The following CELSR1 variants were observed in gnomAD, a reference collection of about 807,000 sequenced individuals.
CELSR1 encodes adhesion G protein-coupled receptor C1.
In CELSR1, 110 loss-of-function variants were observed where a neutral mutation model predicts 249.1. That is an observed-to-expected ratio of 0.44 (90% confidence interval 0.38 to 0.52). CELSR1 has a LOEUF of 0.52. Ranked by LOEUF, CELSR1 falls within the 20% of genes least tolerant of loss-of-function variation. The pLI is 0.00. For synonymous variants in CELSR1, 2,113 were observed against 1,900.0 expected (o/e 1.11, Z -2.92); for missense variants, 4,109 against 4,296.4 (o/e 0.96, Z 1.22).
chr22:46,486,287 G>A (rs1184100216), intron 1 of CELSR1, among the ~76,000 whole-genome samples: 2 of 150,912 alleles, frequency 1.3e-5, no homozygotes, highest in African/African-American at 2.4e-5. Context: ...GCTGGCTCAC[G>A]CCTGTAATCC....
chr22:46,464,257 C>T lies in CELSR1; in HGVS notation c.3633G>A (p.Leu1211=). 6.2e-7 allele frequency: 1 copy of T among 1,613,732 alleles called. No individual in the cohort carries two copies. Among genetic ancestry groups the T allele is most frequent in the Non-Finnish European group, 8.5e-7 (1 of 1,180,036 alleles). The change falls in exon 2 of 35, where the codon CTG becomes CTA. Residue 1211 remains leucine (L), a synonymous_variant. Coordinates refer to ENST00000674500, the MANE Select transcript of CELSR1 (RefSeq NM_001378328.1). The surrounding 1 kb of genome is among the most constrained non-coding windows in gnomAD (Gnocchi z 8.5). ...GGAACTTCTCCTGGGACATGTTCTC[C>T]AGGCGGACAGTGATGCTGTTGGTCA... The part of the protein sequence containing the change: ...DMLTNSITVR[L]ENMSQEKFLS...
At chr22:46,477,812 G>A (rs2080225028) in intron 1 of CELSR1, among the ~76,000 whole-genome samples, 1 of 152,082 alleles carries the variant, frequency 6.6e-6, no homozygotes, top group African/African-American at 2.4e-5. Flanking sequence ...GGCCAATGCT[G>A]TTTTAAGATA....
At chr22:46,456,274 G>T (rs1400498773) in intron 2 of CELSR1, among the ~76,000 whole-genome samples, 1 of 152,222 alleles carries the variant, frequency 6.6e-6, no homozygotes, top group African/African-American at 2.4e-5. Context: ...CATGAATGAG[G>T]ACCTTATCTG....
chr22:46,384,115 T>TAA lies in CELSR1; in HGVS notation c.6883+427_6883+428insTT, dbSNP rs1376632094. 3.0e-4 allele frequency among the ~76,000 whole-genome samples: 46 copies of TAA among 152,164 alleles called. 1 individual carries two copies. The highest frequency in any genetic ancestry group is 1.1e-3 in the African/African-American group (45 of 41,512). On this transcript the variant is annotated intron_variant, in intron 20 of 34. Coordinates refer to ENST00000674500, the MANE Select transcript of CELSR1 (RefSeq NM_001378328.1). ...GCAGCTGGCTATTTTTTGTATTTTT[T>TAA]AGTAGAGACGGGGTTTTACCACGTT...
chr22:46,409,031 C>A lies in CELSR1; in HGVS notation c.5191G>T (p.Ala1731Ser). 1 of 1,612,210 alleles carries A rather than the reference C, an allele frequency of 6.2e-7. No homozygotes were observed. The highest frequency in any genetic ancestry group is 1.1e-5 in the South Asian group (1 of 90,754). The change falls in exon 9 of 35, where the codon GCC becomes TCC. Residue 1731 changes from alanine to serine, a missense_variant. By Grantham distance (99) the Ala-to-Ser change is moderately conservative. This residue lies in a region of CELSR1 where 1,805 missense variants were observed against 1,831.6 expected (regional missense o/e 0.99). Transcript: ENST00000674500. The surrounding 1 kb of genome is among the most constrained non-coding windows in gnomAD (Gnocchi z 9.8). ...AAGCTGGTGGGCCCACCACTGGTGG[C>A]CTCCATCAGAACGCTGTCCTCCTTC... ...TRKEDSVLME[A>S]TSGGPTSFRL...
In CELSR1 at chr22:46,411,810, C is replaced by T; in HGVS notation, c.4612-51G>A. 1 of 1,608,028 alleles carries T rather than the reference C, an allele frequency of 6.2e-7. No individual in the cohort carries two copies. Among genetic ancestry groups the T allele is most frequent in the Non-Finnish European group, 8.5e-7 (1 of 1,178,148 alleles). ...TGTCAGCGTTTTCTCCACCAGTGCC[C>T]TCAGCAGGCGCACCTGTCACTCATA... On this transcript the variant is annotated intron_variant, in intron 5 of 34. Transcript: ENST00000674500. This position sits in a 1 kb window ranked among gnomAD's most constrained non-coding sequence, Gnocchi z 4.2.
chr22:46,453,186 A>G (rs1243124960), intron 2 of CELSR1, among the ~76,000 whole-genome samples: 1 of 152,206 alleles, frequency 6.6e-6, no homozygotes, highest in Non-Finnish European at 1.5e-5. Context: ...TGAGCCAGGC[A>G]GCTGTGCACA....
intron 25 of CELSR1, 183 bp from the exon 26 acceptor site, chr22:46,369,987 C>G (rs1330725083): frequency 6.0e-6 from 4 of 670,270 alleles, no homozygotes; most frequent in Non-Finnish European, 1.1e-5. Flanking sequence ...TGTAGGGTCT[C>G]AGGCTCACTG....
chr22:46,410,014 CT>C lies in CELSR1; in HGVS notation c.4934-135del. 1 of 1,124,868 alleles carries C rather than the reference CT, an allele frequency of 8.9e-7. No individual in the cohort carries two copies. Among genetic ancestry groups the C allele is most frequent in the Non-Finnish European group, 1.3e-6 (1 of 789,128 alleles). The allele number at this position is 1,124,868 out of a possible 1,614,324, so 69.7% of individuals were successfully genotyped here. Reference sequence around the variant, plus strand: ...GAAGTCAGACCAGGTCTGAACGCCCCTGGCAACGGCAGGAACATGGGAACTA... The same window carrying C: ...GAAGTCAGACCAGGTCTGAACGCCCCGGCAACGGCAGGAACATGGGAACTA... On this transcript the variant is annotated intron_variant, in intron 7 of 34. Transcript: ENST00000674500. The surrounding 1 kb of genome is among the most constrained non-coding windows in gnomAD (Gnocchi z 6.8).
chr22:46,452,950 C>T (rs907898249), intron 2 of CELSR1, among the ~76,000 whole-genome samples: 1 of 152,216 alleles, frequency 6.6e-6, no homozygotes, highest in Non-Finnish European at 1.5e-5. Flanking sequence ...CAGCCTTGTC[C>T]AGGGAGGATA....
At position 46,518,515 on chromosome 22, in the gene CELSR1, C is replaced by T. The variant is rs2080651727; in HGVS notation, c.3544+15112G>A. On this transcript the variant is annotated intron_variant, in intron 1 of 34. Transcript: ENST00000674500. This position sits in a 1 kb window ranked among gnomAD's most constrained non-coding sequence, Gnocchi z 5.2. Reference sequence around the variant, plus strand: ...AACACGAAGAAACCAGTCACACACACAAACATGAAGGCAGGCGTGGCAGTG... The same window carrying T: ...AACACGAAGAAACCAGTCACACACATAAACATGAAGGCAGGCGTGGCAGTG... Among the ~76,000 whole-genome samples, 1 of 152,232 alleles carries T rather than the reference C, an allele frequency of 6.6e-6. No homozygotes were observed. The highest frequency in any genetic ancestry group is 1.5e-5 in the Non-Finnish European group (1 of 68,042).
rs1488883587 is a variant in CELSR1 at position 46,448,138 on chromosome 22, C to T, written c.4184-8727G>A. Among the ~76,000 whole-genome samples the T allele has an allele frequency of 1.3e-5, 2 of 152,216 alleles. No individual in the cohort carries two copies. Among genetic ancestry groups the T allele is most frequent in the Non-Finnish European group, 2.9e-5 (2 of 68,036 alleles). On this transcript the variant is annotated intron_variant, in intron 2 of 34. Transcript: ENST00000674500. This position sits in a 1 kb window ranked among gnomAD's most constrained non-coding sequence, Gnocchi z 5.7. ...CCTGGCTTCACAGGGCTTCAGCAAACGGCTTACCTGCTGCAGGCGGGGGCT... is the reference window on the plus strand; with the variant it reads ...CCTGGCTTCACAGGGCTTCAGCAAATGGCTTACCTGCTGCAGGCGGGGGCT...
At position 46,535,708 on chromosome 22, in the gene CELSR1, T is replaced by C. The variant is rs2080845753; in HGVS notation, c.1463A>G (p.Gln488Arg). The C allele has an allele frequency of 6.2e-7, 1 of 1,612,900 alleles. No homozygotes were observed. ...VLRVQATDRD[Q>R]GQNAAIHYSI... is the part of the protein sequence containing the mutation. ...GTAGTGAATGGCCGCGTTCTGGCCCTGGTCCCGGTCCGTGGCCTGCACTCG... is the reference window on the plus strand; with the variant it reads ...GTAGTGAATGGCCGCGTTCTGGCCCCGGTCCCGGTCCGTGGCCTGCACTCG... Residue 488 changes from glutamine (Q) to arginine (R), a missense_variant, in exon 1 of 35, where the codon CAG becomes CGG. Gln to Arg is a conservative substitution (Grantham distance 43). Transcript: ENST00000674500.
chr22:46,531,863 G>A (rs911112047), intron 1 of CELSR1, among the ~76,000 whole-genome samples: 2 of 152,130 alleles, frequency 1.3e-5, no homozygotes, highest in Non-Finnish European at 2.9e-5. Flanking sequence ...GTGGTCTGGG[G>A]GGTGGTGTGG....
chr22:46,366,352 A>G (rs756068197), intron 30 of CELSR1, 34 bp downstream of exon 30: 2 of 1,481,468 alleles, frequency 1.4e-6, no homozygotes, highest in Non-Finnish European at 1.8e-6. Context: ...GGAGTTCGAG[A>G]GCCACCTCCC....
At position 46,395,010 on chromosome 22, in the gene CELSR1, GC is replaced by G. The variant is rs1369827977; in HGVS notation, c.5844-749del. Among the ~76,000 whole-genome samples, 1 of 152,208 alleles carries G rather than the reference GC, an allele frequency of 6.6e-6. No individual in the cohort carries two copies. The highest frequency in any genetic ancestry group is 1.5e-5 in the Non-Finnish European group (1 of 68,030). ...TGCAACGGCCCCGCCCGAGTGTCCT[GC>G]GGGCTCCTGCAATCCCCCCTGGCTA... On this transcript the variant is annotated intron_variant, in intron 13 of 34. Transcript: ENST00000674500. This position sits in a 1 kb window ranked among gnomAD's most constrained non-coding sequence, Gnocchi z 5.5.
chr22:46,392,593 G>A (rs1365872460), intron 14 of CELSR1, among the ~76,000 whole-genome samples: 1 of 152,164 alleles, frequency 6.6e-6, no homozygotes, highest in Non-Finnish European at 1.5e-5. Context: ...GTCTCACTGT[G>A]TTGCCCAGTC....
chr22:46,382,378 C>T (rs371156815), intron 20 of CELSR1, among the ~76,000 whole-genome samples: 3 of 152,092 alleles, frequency 2.0e-5, no homozygotes, highest in Admixed American at 1.3e-4. Context: ...CCCGGGTTCA[C>T]GCCATTCTCC....
chr22:46,391,181 C>G lies in CELSR1; in HGVS notation c.6250+5G>C. 2 of 1,611,260 alleles carry G rather than the reference C, an allele frequency of 1.2e-6. No homozygotes were observed. Among genetic ancestry groups the G allele is most frequent in the Non-Finnish European group, 1.7e-6 (2 of 1,178,874 alleles). ...GTTCCCTACACACAGGCCACGGCGA[C>G]TCACCAACGGATCCCTTAGGGCATG... is the stretch of plus-strand genomic sequence containing the variant. On this transcript the variant is annotated splice_donor_5th_base_variant and intron_variant, in intron 16 of 34. Transcript: ENST00000674500. This position sits in a 1 kb window ranked among gnomAD's most constrained non-coding sequence, Gnocchi z 4.3.
Sources: allele counts gnomAD v4.1 joint callset (sites outside exome capture counted in the v4.1 genomes callset), GRCh38; gene constraint gnomAD v4.1.1; regional missense constraint gnomAD v4.1.1; non-coding constraint Gnocchi (gnomAD v3.1); transcripts MANE v1.5; gene names NCBI Gene and HGNC (gene_info 2026-07-23, HGNC 2026-07-21).